The following SPMAP2L variants were observed in gnomAD, a reference collection of about 807,000 sequenced individuals.
SPMAP2L encodes sperm microtubule associated protein 2-like.
At chr4:56,611,654 C>T in the SPMAP2L span, among the ~76,000 whole-genome samples, 112 of 152,278 alleles carry the variant, frequency 7.4e-4, no homozygotes, top group Non-Finnish European at 1.4e-3. Context: ...GGCAACAGAA[C>T]TCTGCCTCAC....
At chr4:56,591,303 C>T in the SPMAP2L span, among the ~76,000 whole-genome samples, 1 of 152,164 alleles carries the variant, frequency 6.6e-6, no homozygotes, top group Non-Finnish European at 1.5e-5. Context: ...TTGTAAATTT[C>T]CTGAGGCCTC....
chr4:56,573,221 C>CTT, the SPMAP2L span, among the ~76,000 whole-genome samples: 1 of 152,074 alleles, frequency 6.6e-6, no homozygotes, highest in African/African-American at 2.4e-5. Flanking sequence ...TTGAATAGTG[C>CTT]TTTGTGAATT....
chr4:56,599,738 CT>C, the SPMAP2L span, among the ~76,000 whole-genome samples: 1 of 152,150 alleles, frequency 6.6e-6, no homozygotes. Flanking sequence ...TGATCTCATT[CT>C]TTTTTATGGC....
chr4:56,547,612 A>G, the SPMAP2L span, among the ~76,000 whole-genome samples: 1 of 152,222 alleles, frequency 6.6e-6, no homozygotes, highest in Non-Finnish European at 1.5e-5. Context: ...TAAATCCCTG[A>G]GAAATTAATT....
At chr4:56,584,587 C>A in the SPMAP2L span, 2 of 1,535,184 alleles carry the variant, frequency 1.3e-6, no homozygotes, top group Non-Finnish European at 1.7e-6. Context: ...AAGGCACAGA[C>A]CCAAACTATC....
the SPMAP2L span, among the ~76,000 whole-genome samples, chr4:56,585,301 AG>A: frequency 6.6e-6 from 1 of 152,204 alleles, no homozygotes; most frequent in East Asian, 1.9e-4. Flanking sequence ...ATTTTAGAGA[AG>A]TCATAGAAGC....
chr4:56,609,283 C>T, the SPMAP2L span, among the ~76,000 whole-genome samples: 1 of 152,052 alleles, frequency 6.6e-6, no homozygotes, highest in Non-Finnish European at 1.5e-5. Flanking sequence ...CCTTGTGATC[C>T]ACCTGCCTTG....
chr4:56,530,645 A>T, the SPMAP2L span: 1 of 1,523,634 alleles, frequency 6.6e-7, no homozygotes. Flanking sequence ...CGGGAGGGTG[A>T]GTCCCGCGCG....
At chr4:56,564,130 G>A in the SPMAP2L span, among the ~76,000 whole-genome samples, 954 of 110,846 alleles carry the variant, frequency 8.6e-3, 7 homozygotes, top group African/African-American at 0.025. Context: ...CACAATCTGT[G>A]GAATTTTTTT....
chr4:56,578,589 C>T, the SPMAP2L span, among the ~76,000 whole-genome samples: 1 of 152,026 alleles, frequency 6.6e-6, no homozygotes, highest in Non-Finnish European at 1.5e-5. Context: ...CAACTATATG[C>T]TGTCTACAAA....
At chr4:56,563,427 A>G in the SPMAP2L span, among the ~76,000 whole-genome samples, 1 of 151,884 alleles carries the variant, frequency 6.6e-6, no homozygotes, top group Non-Finnish European at 1.5e-5. Flanking sequence ...TTTGATGCTC[A>G]TTATGAATTT....
At chr4:56,547,856 C>T in the SPMAP2L span, among the ~76,000 whole-genome samples, 1 of 152,162 alleles carries the variant, frequency 6.6e-6, no homozygotes, top group Non-Finnish European at 1.5e-5. Flanking sequence ...AAAAACCCAG[C>T]TTATAAACGA....
At chr4:56,570,892 C>T in the SPMAP2L span, among the ~76,000 whole-genome samples, 8 of 152,076 alleles carry the variant, frequency 5.3e-5, 1 homozygote, top group Admixed American at 3.9e-4. Flanking sequence ...CAACCTCCCC[C>T]TCCCGGGTTC....
chr4:56,592,473 G>A, the SPMAP2L span, among the ~76,000 whole-genome samples: 2 of 152,244 alleles, frequency 1.3e-5, no homozygotes, highest in African/African-American at 4.8e-5. Context: ...AACTTTGCGC[G>A]AGTGTCTTGG....
At chr4:56,535,412 T>C in the SPMAP2L span, among the ~76,000 whole-genome samples, 1 of 152,080 alleles carries the variant, frequency 6.6e-6, no homozygotes, top group African/African-American at 2.4e-5. Context: ...ACATACATTG[T>C]ATGGAAAAGC....
the SPMAP2L span, chr4:56,575,658 A>C: frequency 2.0e-6 from 3 of 1,533,002 alleles, no homozygotes; most frequent in Non-Finnish European, 2.6e-6. Flanking sequence ...GTATCTTGAG[A>C]ATCTCTGTAA....
At chr4:56,561,247 GA>G in the SPMAP2L span, among the ~76,000 whole-genome samples, 6 of 152,092 alleles carry the variant, frequency 3.9e-5, no homozygotes, top group Admixed American at 1.3e-4. Context: ...CTTCTTTCTA[GA>G]AAATATAGAA....
chr4:56,546,396 G>C, the SPMAP2L span, among the ~76,000 whole-genome samples: 1 of 152,190 alleles, frequency 6.6e-6, no homozygotes, highest in South Asian at 2.1e-4. Flanking sequence ...TCCCAAACTT[G>C]TCTGCTTCAA....
the SPMAP2L span, among the ~76,000 whole-genome samples, chr4:56,583,530 T>C: frequency 6.6e-6 from 1 of 152,208 alleles, no homozygotes; most frequent in South Asian, 2.1e-4. Flanking sequence ...AGAGTAATCA[T>C]GTATTTATTT....
Sources: allele counts gnomAD v4.1 joint callset (sites outside exome capture counted in the v4.1 genomes callset), GRCh38; gene constraint gnomAD v4.1.1; transcripts MANE v1.5; gene names NCBI Gene and HGNC (gene_info 2026-07-23, HGNC 2026-07-21).